CCDC141: variants seen among roughly 807,000 people sequenced by gnomAD.
The protein encoded by CCDC141 is coiled-coil domain-containing protein 141.
A neutral mutation model predicts 181.0 loss-of-function variants in CCDC141; 168 were observed. The observed-to-expected ratio is 0.93, with a 90% CI of 0.82 to 1.05. The LOEUF (loss-of-function observed/expected upper bound fraction) is 1.05, where lower values mean the gene tolerates loss of function less well. Ranked by LOEUF, CCDC141 falls within the 50% of genes least tolerant of loss-of-function variation. The probability of loss-of-function intolerance (pLI) is 0.00; values close to 1 mark genes in which losing one functional copy is unlikely to be tolerated. For synonymous variants in CCDC141, 666 were observed against 642.3 expected, an observed-to-expected ratio of 1.04 and a Z score of -0.56; for missense variants, 1,902 against 1,788.5, an observed-to-expected ratio of 1.06 and a Z score of -1.14.
intron 5 of CCDC141, among the ~76,000 whole-genome samples, chr2:178,954,135 T>A (rs1690066045): frequency 6.6e-6 from 1 of 152,246 alleles, no homozygotes; most frequent in Non-Finnish European, 1.5e-5. Context: ...GACACTGTCG[T>A]GTACGCAGAG....
the CCDC141 span, chr2:178,817,643 T>C: frequency 1.1e-5 from 5 of 445,038 alleles, no homozygotes; most frequent in Admixed American, 2.7e-5. Flanking sequence ...GGTTGACAGG[T>C]CTAACACTTT....
intron 2 of CCDC141, among the ~76,000 whole-genome samples, chr2:179,023,792 G>C (rs2042754432): frequency 6.6e-6 from 1 of 152,188 alleles, no homozygotes; most frequent in Admixed American, 6.5e-5. Context: ...AGCTGCAGGT[G>C]CCAAGTGCAA....
At chr2:178,878,262 T>C (rs1686436100) in intron 11 of CCDC141, 119 bp from the exon 12 acceptor site, 1 of 414,284 alleles carries the variant, frequency 2.4e-6, no homozygotes, top group African/African-American at 2.1e-5. Context: ...ATTTTTAATT[T>C]GTAAACATAT....
intron 2 of CCDC141, among the ~76,000 whole-genome samples, chr2:179,009,944 T>A (rs2042220416): frequency 6.6e-6 from 1 of 151,964 alleles, no homozygotes; most frequent in Non-Finnish European, 1.5e-5. Flanking sequence ...AATAGATAGC[T>A]TAAAGAAAAG....
At position 178,832,463 on chromosome 2, in the gene CCDC141, C is replaced by A. The variant is rs2046776; in HGVS notation, c.*1710G>T. The A allele has an allele frequency of 1.3e-5, 1 of 79,960 alleles. No homozygotes were observed. Among genetic ancestry groups the A allele is most frequent in the Non-Finnish European group, 2.5e-5 (1 of 40,208 alleles). The allele number at this position is 79,960 out of a possible 1,614,324, so 5.0% of individuals were successfully genotyped here. On this transcript the variant is annotated 3_prime_UTR_variant, in exon 24 of 24. Transcript: ENST00000443758. The stretch of plus-strand genomic sequence containing the variant: ...ACTGGGCAAGAGAGCAAGACTCTTT[C>A]TCAAAAAAAAAAAAAAAAAACAAAA...
intron 8 of CCDC141, 108 bp from the exon 9 acceptor site, chr2:178,888,776 G>A: frequency 1.7e-6 from 2 of 1,200,496 alleles, no homozygotes; most frequent in Non-Finnish European, 2.3e-6. Context: ...AAAGGCATCA[G>A]CTTTAGGATA....
At chr2:178,978,841 G>A (rs1444420239) in intron 2 of CCDC141, among the ~76,000 whole-genome samples, 166 bp from the exon 3 acceptor site, 2 of 152,174 alleles carry the variant, frequency 1.3e-5, no homozygotes, top group South Asian at 2.1e-4. Flanking sequence ...AGGAAGGAGC[G>A]ATCAGGATTG....
At chr2:178,917,197 G>T (rs2154374393) in intron 7 of CCDC141, among the ~76,000 whole-genome samples, 1 of 152,218 alleles carries the variant, frequency 6.6e-6, no homozygotes, top group South Asian at 2.1e-4. Context: ...CACTCATTTT[G>T]AAGAATGAAT....
At chr2:178,927,217 C>T (rs1026180499) in intron 6 of CCDC141, among the ~76,000 whole-genome samples, 3 of 152,112 alleles carry the variant, frequency 2.0e-5, no homozygotes, top group Non-Finnish European at 4.4e-5. Flanking sequence ...ATTCTATACT[C>T]AATAATCTGT....
chr2:179,044,815 G>C (rs921367449), intron 2 of CCDC141, among the ~76,000 whole-genome samples: 1 of 152,178 alleles, frequency 6.6e-6, no homozygotes, highest in African/African-American at 2.4e-5. Flanking sequence ...ACAGTTCATG[G>C]AATTGGGGAT....
In CCDC141 at chr2:179,015,465, C is replaced by CTCATATATGTGCCATATATA. The variant is rs1559049805; in HGVS notation, c.225+31799_225+31818dup. On this transcript the variant is annotated intron_variant, in intron 2 of 23. Coordinates refer to ENST00000443758, the MANE Select transcript of CCDC141 (RefSeq NM_173648.4). Reference sequence around the variant, plus strand: ...TATCTCATATATGTACCATATATATCTCATATATGTGCCATATATATCATA... The same window carrying CTCATATATGTGCCATATATA: ...TATCTCATATATGTACCATATATATCTCATATATGTGCCATATATATCATATATGTGCCATATATATCATA... 3.3e-4 allele frequency among the ~76,000 whole-genome samples: 38 copies of CTCATATATGTGCCATATATA among 115,328 alleles called. 1 individual carries two copies. Among genetic ancestry groups the CTCATATATGTGCCATATATA allele is most frequent in the Non-Finnish European group, 5.4e-4 (28 of 52,016 alleles). 75.7% of individuals were successfully genotyped at this position (115,328 alleles called of 152,430 possible). A position where few individuals can be genotyped will look rare whatever the true frequency, so the allele number is the denominator to read the frequency against.
chr2:178,961,588 T>C, intron 4 of CCDC141, 105 bp from the exon 5 acceptor site: 3 of 965,714 alleles, frequency 3.1e-6, no homozygotes, highest in Non-Finnish European at 1.5e-6. Context: ...TTTATGTTAA[T>C]AAAAAACAAG....
chr2:179,049,593 T>C (rs907015808), intron 1 of CCDC141, among the ~76,000 whole-genome samples: 25 of 151,220 alleles, frequency 1.7e-4, no homozygotes, highest in African/African-American at 5.1e-4. Flanking sequence ...TCTTTTCTTT[T>C]TTTTTTTTTT....
chr2:178,825,363 A>C (rs945431697), downstream of CCDC141: 2 of 152,166 alleles, frequency 1.3e-5, no homozygotes, highest in Non-Finnish European at 2.9e-5. Flanking sequence ...CAACTGGTAA[A>C]TCATCCACTC....
rs149811527 is a variant in CCDC141, at chr2:179,011,106, C to T, written c.226-32431G>A. 2.1e-4 allele frequency among the ~76,000 whole-genome samples: 31 copies of T among 151,186 alleles called. No individual in the cohort carries two copies. In the East Asian group the frequency reaches 4.3e-3, roughly 21 times the overall value. On this transcript the variant is annotated intron_variant, in intron 2 of 23. Transcript: ENST00000443758. ...CTGGGAGGCAGAGGTTGCAGTGAGC[C>T]GAGATCACACCATTGCACTCCAGCC... is the stretch of plus-strand genomic sequence containing the variant.
intron 4 of CCDC141, among the ~76,000 whole-genome samples, chr2:178,968,194 C>G (rs558614421): frequency 6.6e-6 from 1 of 152,276 alleles, no homozygotes; most frequent in Non-Finnish European, 1.5e-5. Context: ...ATAAAATTAA[C>G]AAGGATACTC....
chr2:178,965,430 C>G (rs970432465), intron 4 of CCDC141, among the ~76,000 whole-genome samples: 4 of 152,210 alleles, frequency 2.6e-5, no homozygotes, highest in Non-Finnish European at 5.9e-5. Flanking sequence ...GTACCCGGTT[C>G]ATCTCATTGG....
intron 2 of CCDC141, among the ~76,000 whole-genome samples, chr2:178,986,083 A>G (rs1434410364): frequency 2.6e-5 from 4 of 152,168 alleles, no homozygotes; most frequent in Non-Finnish European, 5.9e-5. Flanking sequence ...ATACTGGCAA[A>G]CCGAATCCAG....
chr2:178,856,130 CTT>C, intron 18 of CCDC141, 125 bp downstream of exon 18: 1 of 728,130 alleles, frequency 1.4e-6, no homozygotes, highest in Non-Finnish European at 2.1e-6. Context: ...GAAAAATACC[CTT>C]TGAGTCCCAA....
Sources: allele counts gnomAD v4.1 joint callset (sites outside exome capture counted in the v4.1 genomes callset), GRCh38; gene constraint gnomAD v4.1.1; transcripts MANE v1.5; gene names NCBI Gene and HGNC (gene_info 2026-07-23, HGNC 2026-07-21).